The following LTBP1 variants were observed in gnomAD, a reference collection of about 807,000 sequenced individuals.
LTBP1 encodes latent transforming growth factor beta binding protein 1, also known as latent-transforming growth factor beta-binding protein 1.
In LTBP1, 129 loss-of-function variants were observed where a neutral mutation model predicts 207.6. The ratio of observed to expected loss-of-function variants is 0.62; its 90% CI spans 0.54 to 0.72. The LOEUF (loss-of-function observed/expected upper bound fraction) is 0.72, where lower values mean the gene tolerates loss of function less well. Ranked by LOEUF, LTBP1 falls within the 30% of genes least tolerant of loss-of-function variation. The pLI is 0.00. For synonymous variants in LTBP1, 963 were observed against 833.7 expected, an observed-to-expected ratio of 1.16 and a Z score of -2.67; for missense variants, 2,281 against 2,217.2, an observed-to-expected ratio of 1.03 and a Z score of -0.58.
intron 3 of LTBP1, among the ~76,000 whole-genome samples, chr2:33,090,406 C>T (rs758949685): frequency 3.3e-5 from 5 of 152,120 alleles, no homozygotes; most frequent in East Asian, 1.9e-4. Context: ...TCTGTCTTCG[C>T]GCTTGTGACA....
intron 5 of LTBP1, among the ~76,000 whole-genome samples, chr2:33,138,709 AC>A (rs1336203074): frequency 6.6e-6 from 1 of 152,194 alleles, no homozygotes; most frequent in Non-Finnish European, 1.5e-5. Flanking sequence ...ACTTGGTATA[AC>A]TTATTTGTGG....
intron 18 of LTBP1, among the ~76,000 whole-genome samples, chr2:33,277,354 C>T (rs552338656): frequency 1.1e-3 from 174 of 152,250 alleles, no homozygotes; most frequent in Admixed American, 2.1e-3. Context: ...AGTGTCTCCA[C>T]GCTGCTCTTC....
At chr2:33,125,467 AAAAG>A (rs2081375168) in intron 4 of LTBP1, among the ~76,000 whole-genome samples, 1 of 152,186 alleles carries the variant, frequency 6.6e-6, no homozygotes. Flanking sequence ...TGGGCCAAAA[AAAAG>A]CAGAAGGGAA....
At chr2:33,298,715 G>T (rs1244808977) in intron 20 of LTBP1, among the ~76,000 whole-genome samples, 1 of 152,110 alleles carries the variant, frequency 6.6e-6, no homozygotes, top group African/African-American at 2.4e-5. Context: ...GACAATATTG[G>T]CAGCCAGGAA....
intron 31 of LTBP1, among the ~76,000 whole-genome samples, chr2:33,374,719 C>T (rs900817887): frequency 7.2e-5 from 11 of 152,260 alleles, no homozygotes; most frequent in African/African-American, 2.6e-4. Context: ...CTTGGGAGGC[C>T]AAGGTGGGCA....
chr2:33,175,740 A>G (rs2085966407), intron 5 of LTBP1, among the ~76,000 whole-genome samples: 1 of 152,136 alleles, frequency 6.6e-6, no homozygotes, highest in South Asian at 2.1e-4. Context: ...AATAGCAAAG[A>G]CTTGGAACCA....
chr2:33,206,254 C>T (rs183596535), intron 7 of LTBP1, among the ~76,000 whole-genome samples: 3 of 152,176 alleles, frequency 2.0e-5, no homozygotes, highest in Non-Finnish European at 4.4e-5. Flanking sequence ...TGCAACCAAA[C>T]CACAGGTAAT....
chr2:33,274,899 A>T, intron 16 of LTBP1, 66 bp from the exon 17 acceptor site: 8 of 1,524,220 alleles, frequency 5.2e-6, no homozygotes, highest in Non-Finnish European at 7.2e-6. Flanking sequence ...ATGGTATTTT[A>T]CAGAACAGGG....
chr2:33,138,921 C>T (rs557801953), intron 5 of LTBP1, among the ~76,000 whole-genome samples: 47 of 126,810 alleles, frequency 3.7e-4, no homozygotes, highest in African/African-American at 1.1e-3. Context: ...TGCAGTGGCG[C>T]GATCTCGGCT....
chr2:33,092,432 G>A (rs1326031262), intron 3 of LTBP1, among the ~76,000 whole-genome samples: 1 of 152,172 alleles, frequency 6.6e-6, no homozygotes, highest in Non-Finnish European at 1.5e-5. Flanking sequence ...TTCAGCCTGG[G>A]CTTTGAAGCA....
chr2:33,008,086 C>T (rs1687171917), intron 2 of LTBP1, among the ~76,000 whole-genome samples: 1 of 152,152 alleles, frequency 6.6e-6, no homozygotes, highest in Non-Finnish European at 1.5e-5. Context: ...TGCAAGTTGG[C>T]AGTCATTTCT....
chr2:33,388,531 T>C (rs1032157308), intron 31 of LTBP1, among the ~76,000 whole-genome samples: 1 of 152,174 alleles, frequency 6.6e-6, no homozygotes, highest in African/African-American at 2.4e-5. Flanking sequence ...TGCATCGATG[T>C]GTATTAAGTG....
At chr2:33,060,830 A>T (rs1393743427) in intron 3 of LTBP1, among the ~76,000 whole-genome samples, 1 of 151,924 alleles carries the variant, frequency 6.6e-6, no homozygotes, top group Non-Finnish European at 1.5e-5. Context: ...TTTTTAAAAA[A>T]CTCATGTTAT....
At chr2:33,352,700 C>T (rs2094798543) in intron 26 of LTBP1, among the ~76,000 whole-genome samples, 5 of 152,176 alleles carry the variant, frequency 3.3e-5, no homozygotes. Context: ...TTAATGTTTT[C>T]AAAACATAGA....
intron 31 of LTBP1, among the ~76,000 whole-genome samples, chr2:33,388,132 G>C (rs2095283695): frequency 6.6e-6 from 1 of 152,168 alleles, no homozygotes; most frequent in African/African-American, 2.4e-5. Context: ...AAGAGCCTGG[G>C]ATCATGAAAA....
rs560083307 is a variant in LTBP1 at position 33,371,453 on chromosome 2, C to G, written c.4711+5950C>G. 3.9e-5 allele frequency among the ~76,000 whole-genome samples: 6 copies of G among 152,306 alleles called. No individual in the cohort carries two copies. In the East Asian group the frequency reaches 1.2e-3, roughly 29 times the overall value. On this transcript the variant is annotated intron_variant, in intron 31 of 33. Transcript: ENST00000404816. The stretch of plus-strand genomic sequence containing the variant: ...TCATGTCAGCCTCTGAGAGACAGAG[C>G]TGTTTGGGAAACCAAGTCAGGAAAA...
intron 25 of LTBP1, among the ~76,000 whole-genome samples, chr2:33,346,554 C>T (rs1449290603): frequency 1.3e-5 from 2 of 151,814 alleles, no homozygotes; most frequent in African/African-American, 2.4e-5. Context: ...CATGGTGGTA[C>T]GTGCCTATAA....
At chr2:33,106,246 G>A (rs910236829) in intron 3 of LTBP1, among the ~76,000 whole-genome samples, 5 of 151,952 alleles carry the variant, frequency 3.3e-5, no homozygotes, top group African/African-American at 1.2e-4. Flanking sequence ...TTGACCTTTG[G>A]GTCATCCATG....
At chr2:33,214,049 A>T (rs535056088) in intron 7 of LTBP1, among the ~76,000 whole-genome samples, 77 of 152,338 alleles carry the variant, frequency 5.1e-4, no homozygotes, top group African/African-American at 1.7e-3. Context: ...TGCTACTAAC[A>T]TTTTAAGCAT....
Sources: allele counts gnomAD v4.1 joint callset (sites outside exome capture counted in the v4.1 genomes callset), GRCh38; gene constraint gnomAD v4.1.1; transcripts MANE v1.5; gene names NCBI Gene and HGNC (gene_info 2026-07-23, HGNC 2026-07-21).